SKA3: variants seen among roughly 807,000 people sequenced by gnomAD.
SKA3 encodes the protein spindle and kinetochore-associated protein 3.
A neutral mutation model predicts 44.2 loss-of-function variants in SKA3; 39 were observed. The ratio of observed to expected loss-of-function variants is 0.88; its 90% confidence interval spans 0.68 to 1.15. The LOEUF (loss-of-function observed/expected upper bound fraction) is 1.15. Among genes scored for constraint, SKA3 ranks in the 50% most tolerant of loss-of-function variants. The pLI, the probability that SKA3 is intolerant of heterozygous loss-of-function variation, is 0.00. For synonymous variants in SKA3, 192 were observed against 172.0 expected (o/e 1.12, Z -0.91); for missense variants, 511 against 485.8 (o/e 1.05, Z -0.49).
At chr13:21,155,252 T>C (rs1453648049) in intron 8 of SKA3, 102 bp from the exon 9 acceptor site, 2 of 830,622 alleles carry the variant, frequency 2.4e-6, no homozygotes, top group Non-Finnish European at 3.5e-6. Context: ...TATAAAATAA[T>C]TGAGGATAGA....
chr13:21,163,205 A>AAAAG (rs59824329), intron 4 of SKA3, among the ~76,000 whole-genome samples: 98,868 of 149,502 alleles, frequency 0.66, 34,250 homozygotes, highest in East Asian at 0.87. Context: ...TCTAAAAATA[A>AAAAG]AAAGAAAGAA....
At chr13:21,167,201 G>T (rs2137372758) in intron 4 of SKA3, among the ~76,000 whole-genome samples, 1 of 152,152 alleles carries the variant, frequency 6.6e-6, no homozygotes, top group African/African-American at 2.4e-5. Context: ...TTCTTTTCTT[G>T]TTCTAACATC....
intron 6 of SKA3, among the ~76,000 whole-genome samples, chr13:21,159,523 C>T (rs1870316789): frequency 6.6e-6 from 1 of 151,982 alleles, no homozygotes. Flanking sequence ...ATCTGTTTTT[C>T]AAAACATGAT....
At chr13:21,166,847 T>TTAA (rs1870738476) in intron 4 of SKA3, among the ~76,000 whole-genome samples, 1 of 152,232 alleles carries the variant, frequency 6.6e-6, no homozygotes, top group Non-Finnish European at 1.5e-5. Flanking sequence ...TTCTACTCTT[T>TTAA]TAAAAATCTT....
Position 21,168,304 on chromosome 13 carries a change from C to T in SKA3, c.427G>A (p.Val143Ile), listed in dbSNP as rs1330807529. ...DVKDDLSDPPVASSCISEKSP... is the reference protein window; with the variant it reads ...DVKDDLSDPPIASSCISEKSP... ...TTCTCAGAAATACAACTGCTTGCAACAGGAGGATCAGACAGATCATCTTTC... is the reference window on the plus strand; with the variant it reads ...TTCTCAGAAATACAACTGCTTGCAATAGGAGGATCAGACAGATCATCTTTC... Residue 143 changes from valine to isoleucine, a missense_variant, in exon 4 of 9, where the codon GTT becomes ATT. Coordinates refer to ENST00000314759, the MANE Select transcript of SKA3 (RefSeq NM_145061.6). 3 of 1,614,062 alleles carry T rather than the reference C, an allele frequency of 1.9e-6. No individual in the cohort carries two copies. In the Admixed American group the frequency reaches 5.0e-5, roughly 27 times the overall value.
At chr13:21,158,163 T>C (rs371829916) in intron 6 of SKA3, 38 bp from the exon 7 acceptor site, 6 of 996,048 alleles carry the variant, frequency 6.0e-6, no homozygotes, top group African/African-American at 1.6e-5. Context: ...TATGGTAATA[T>C]AACATAATGT....
intron 4 of SKA3, 95 bp downstream of exon 4, chr13:21,167,893 T>G: frequency 1.0e-6 from 1 of 953,690 alleles, no homozygotes; most frequent in Non-Finnish European, 1.3e-6. Context: ...AAAGCAAAAA[T>G]GTCTGAAACA....
chr13:21,166,484 A>T (rs903600945), intron 4 of SKA3, among the ~76,000 whole-genome samples: 13 of 152,212 alleles, frequency 8.5e-5, no homozygotes, highest in Admixed American at 8.5e-4. Flanking sequence ...CTGTAAACCC[A>T]GCACTTTGGG....
intron 5 of SKA3, among the ~76,000 whole-genome samples, chr13:21,161,442 A>G (rs993659742): frequency 6.6e-6 from 1 of 152,228 alleles, no homozygotes; most frequent in Non-Finnish European, 1.5e-5. Context: ...CAGCTGATGT[A>G]TTCCGTGCGT....
At chr13:21,162,998 T>A (rs1017750838) in intron 4 of SKA3, among the ~76,000 whole-genome samples, 1 of 152,204 alleles carries the variant, frequency 6.6e-6, no homozygotes, top group Non-Finnish European at 1.5e-5. Flanking sequence ...TGAGCTATCA[T>A]CCTGCCACTG....
At chr13:21,175,719 T>C (rs180876567) in intron 1 of SKA3, among the ~76,000 whole-genome samples, 1 of 152,208 alleles carries the variant, frequency 6.6e-6, no homozygotes, top group Non-Finnish European at 1.5e-5. Context: ...TTCAACAATT[T>C]AAAAAATCTC....
chr13:21,171,385 GGTAACACAGT>G (rs1463058282), intron 3 of SKA3, among the ~76,000 whole-genome samples: 2 of 152,008 alleles, frequency 1.3e-5, no homozygotes, highest in Non-Finnish European at 2.9e-5. Context: ...GACCATTCTG[GGTAACACAGT>G]GAAACCCCGT....
At chr13:21,163,103 CAACA>C (rs1870525443) in intron 4 of SKA3, among the ~76,000 whole-genome samples, 1 of 151,854 alleles carries the variant, frequency 6.6e-6, no homozygotes, top group Non-Finnish European at 1.5e-5. Context: ...TAAGAAAACT[CAACA>C]AACATTTTGG....
At chr13:21,167,931 T>C (rs1483613946) in intron 4 of SKA3, 57 bp downstream of exon 4, 4 of 1,182,292 alleles carry the variant, frequency 3.4e-6, no homozygotes, top group African/African-American at 3.2e-5. Flanking sequence ...AAAAAATCAA[T>C]AAATACAAAA....
chr13:21,175,699 G>A (rs548705008), intron 1 of SKA3, among the ~76,000 whole-genome samples: 117 of 152,120 alleles, frequency 7.7e-4, no homozygotes, highest in Admixed American at 1.6e-3. Flanking sequence ...TCCAAAATCT[G>A]AACTACTTTT....
At chr13:21,170,439 C>G (rs1870976082) in intron 3 of SKA3, among the ~76,000 whole-genome samples, 2 of 152,144 alleles carry the variant, frequency 1.3e-5, no homozygotes, top group South Asian at 4.1e-4. Context: ...CTTGGCCTCC[C>G]AAAGTGCTGG....
chr13:21,168,428 C>T (rs990896993), intron 3 of SKA3, 29 bp from the exon 4 acceptor site: 34 of 1,174,494 alleles, frequency 2.9e-5, no homozygotes, highest in Non-Finnish European at 3.7e-5. Context: ...ATATTCTGGT[C>T]AAACTCAAAA....
At position 21,160,002 on chromosome 13, in the gene SKA3, A is replaced by C; in HGVS notation, c.830-15T>G. On this transcript the variant is annotated splice_polypyrimidine_tract_variant and intron_variant, in intron 5 of 8. Coordinates refer to ENST00000314759, the MANE Select transcript of SKA3 (RefSeq NM_145061.6). Reference sequence around the variant, plus strand: ...ATATTCGGCATCTAAAAGACACATAAAATGGTCATTAAAAAACTATAACTA... The same window carrying C: ...ATATTCGGCATCTAAAAGACACATACAATGGTCATTAAAAAACTATAACTA... 8.5e-7 allele frequency: 1 copy of C among 1,177,382 alleles called. No individual in the cohort carries two copies. Among genetic ancestry groups the C allele is most frequent in the Non-Finnish European group, 1.1e-6 (1 of 888,206 alleles). 72.9% of individuals were successfully genotyped at this position (1,177,382 alleles called of 1,614,324 possible). A position where few individuals can be genotyped will look rare whatever the true frequency, so the allele number is the denominator to read the frequency against.
At chr13:21,173,645 C>A (rs1302837772) in intron 1 of SKA3, among the ~76,000 whole-genome samples, 1 of 152,166 alleles carries the variant, frequency 6.6e-6, no homozygotes, top group African/African-American at 2.4e-5. Flanking sequence ...TCTTTTGCGA[C>A]TGGCTTCTTT....
Sources: gnomAD v4.1 joint callset for allele counts (sites outside exome capture counted in the v4.1 genomes callset) on GRCh38, gnomAD v4.1.1 for gene constraint, MANE v1.5 for transcripts, NCBI Gene and HGNC (gene_info 2026-07-23, HGNC 2026-07-21) for gene names.